The following AKAP11 variants were observed in gnomAD, a reference collection of about 807,000 sequenced individuals.
AKAP11 encodes A-kinase anchoring protein 11.
AKAP11 carries 36 observed loss-of-function variants against 146.1 expected under a neutral mutation model. That is an observed-to-expected ratio of 0.25 (90% CI 0.19 to 0.33). The LOEUF is 0.33. AKAP11 is among the 10% of genes least tolerant of loss of function. AKAP11 has a pLI of 1.00. For missense variants in AKAP11, 2,201 were observed against 2,197.0 expected, an observed-to-expected ratio of 1.00 and a Z score of -0.04; for synonymous variants, 780 against 786.5, an observed-to-expected ratio of 0.99 and a Z score of 0.14.
At chr13:42,294,748 A>C (rs570971612) in intron 4 of AKAP11, among the ~76,000 whole-genome samples, 2 of 152,328 alleles carry the variant, frequency 1.3e-5, no homozygotes, top group African/African-American at 4.8e-5. Flanking sequence ...AGTAGAACAA[A>C]GAAAATGACT....
rs182605371 is a variant in AKAP11 at position 42,310,303 on chromosome 13, C to T, written c.5273+1694C>T. Among the ~76,000 whole-genome samples the T allele has an allele frequency of 1.2e-4, 18 of 152,244 alleles. No individual in the cohort carries two copies. In the East Asian group the frequency reaches 3.5e-3, roughly 29 times the overall value. On this transcript the variant is annotated intron_variant, in intron 9 of 12. Transcript: ENST00000025301. Reference sequence around the variant, plus strand: ...GTTCTGGCACAGAGAAAAAGCGGGGCTCATCCAGGATTGGTGGTGTGCTCG... The same window carrying T: ...GTTCTGGCACAGAGAAAAAGCGGGGTTCATCCAGGATTGGTGGTGTGCTCG...
chr13:42,280,024 T>A (rs140205102), intron 1 of AKAP11, among the ~76,000 whole-genome samples: 24 of 152,330 alleles, frequency 1.6e-4, no homozygotes, highest in African/African-American at 5.8e-4. Flanking sequence ...TGGTGGAATA[T>A]ATTATGGTTT....
At chr13:42,295,541 G>A (rs77974091) in intron 4 of AKAP11, among the ~76,000 whole-genome samples, 154 bp from the exon 5 acceptor site, 104 of 150,548 alleles carry the variant, frequency 6.9e-4, no homozygotes, top group African/African-American at 2.5e-3. Flanking sequence ...CCAATCTTTG[G>A]TGAAAAATAT....
Position 42,311,679 on chromosome 13 carries a change from A to AT in AKAP11, c.5274-1361dup, listed in dbSNP as rs547860561. 1.4e-4 allele frequency among the ~76,000 whole-genome samples: 21 copies of AT among 152,076 alleles called. No homozygotes were observed. The East Asian group carries it at 3.9e-3, about 28-fold the overall frequency. ...TGTGTGATGGGTAGAAAAATTTTAT[A>AT]TTTTTTTGTTATAATCATTCTATTA... is the stretch of plus-strand genomic sequence containing the variant. On this transcript the variant is annotated intron_variant, in intron 9 of 12. Transcript: ENST00000025301.
At position 42,300,250 on chromosome 13, in the gene AKAP11, T is replaced by C. The variant is rs778438754; in HGVS notation, c.1504T>C (p.Ser502Pro). ...AKSISCEVLG[S>P]VLRTHHTNTL... ...AAGCATTTCATGTGAAGTACTAGGC[T>C]CAGTTCTTCGTACCCACCATACTAA... Residue 502 changes from serine to proline, a missense_variant, in exon 8 of 13, where the codon TCA (serine) becomes CCA (proline). Ser to Pro is a moderately conservative substitution (Grantham distance 74). Around this residue, in one of 3 missense-constraint regions of AKAP11, gnomAD observed 1,867 missense variants for 1,833.5 expected, o/e 1.02. Coordinates refer to ENST00000025301, the MANE Select transcript of AKAP11 (RefSeq NM_016248.4). 1.2e-6 allele frequency: 2 copies of C among 1,613,928 alleles called. No individual in the cohort carries two copies. Among genetic ancestry groups the C allele is most frequent in the South Asian group, 1.1e-5 (1 of 91,070 alleles).
At chr13:42,308,901 A>AT (rs1960416430) in intron 9 of AKAP11, among the ~76,000 whole-genome samples, 2 of 128,864 alleles carry the variant, frequency 1.6e-5, no homozygotes, top group African/African-American at 5.5e-5. Flanking sequence ...TCTGAGGAAA[A>AT]ATTTTTTTTT....
Position 42,274,331 on chromosome 13 carries a change from TG to T in AKAP11, c.-100+2105del, listed in dbSNP as rs370568170. ...ATGCTTTATCAGTTTAAAAACAGCC[TG>T]GAAAGATCCAAGTGTCTCGATTCTC... On this transcript the variant is annotated intron_variant, in intron 1 of 12. Coordinates refer to ENST00000025301, the MANE Select transcript of AKAP11 (RefSeq NM_016248.4). Among the ~76,000 whole-genome samples, 1,370 of 152,226 alleles carry T rather than the reference TG, an allele frequency of 9.0e-3. 10 individuals carry two copies. Among genetic ancestry groups the T allele is most frequent in the South Asian group, 0.034 (165 of 4,814 alleles).
Position 42,299,838 on chromosome 13 carries a change from A to G in AKAP11, c.1092A>G (p.Glu364=), listed in dbSNP as rs369025284. ...TTGATAGTTTTGATCAGTTTGATGA[A>G]CTAGAACAAACTTTAGAGACTTGCC... ...EFFDSFDQFD[E]LEQTLETCLF... The change falls in exon 8 of 13, where the codon GAA becomes GAG. Residue 364 remains glutamate (E), a synonymous_variant. Transcript: ENST00000025301. 3.1e-6 allele frequency: 5 copies of G among 1,613,700 alleles called. No homozygotes were observed. The highest frequency in any genetic ancestry group is 3.4e-6 in the Non-Finnish European group (4 of 1,179,890).
intron 3 of AKAP11, among the ~76,000 whole-genome samples, chr13:42,289,113 A>G (rs1488667244): frequency 6.6e-6 from 1 of 152,032 alleles, no homozygotes; most frequent in East Asian, 1.9e-4. Context: ...TCCCCCAACA[A>G]CCATTGAGCT....
At chr13:42,297,885 C>T (rs1431803846) in intron 6 of AKAP11, among the ~76,000 whole-genome samples, 2 of 35,668 alleles carry the variant, frequency 5.6e-5, no homozygotes, top group Non-Finnish European at 1.4e-4. Flanking sequence ...GTTCTTTATT[C>T]GTATTTGCTT....
In AKAP11 at chr13:42,323,249, A is replaced by G. The variant is rs1018368253; in HGVS notation, c.*4021A>G. The G allele has an allele frequency of 6.6e-6, 1 of 152,614 alleles. No individual in the cohort carries two copies. Among genetic ancestry groups the G allele is most frequent in the Non-Finnish European group, 1.5e-5 (1 of 68,022 alleles). 9.5% of individuals were successfully genotyped at this position (152,614 alleles called of 1,614,324 possible). A position where few individuals can be genotyped will look rare whatever the true frequency, so the allele number is the denominator to read the frequency against. ...TCTCCCAGCTAAGAGTTCTTCAATA[A>G]ATTTAAGAAATACCTGGTCTTGGTT... On this transcript the variant is annotated 3_prime_UTR_variant, in exon 13 of 13. Transcript: ENST00000025301.
At chr13:42,272,693 AC>A (rs935798509) in intron 1 of AKAP11, among the ~76,000 whole-genome samples, 1 of 151,946 alleles carries the variant, frequency 6.6e-6, no homozygotes, top group Non-Finnish European at 1.5e-5. Flanking sequence ...TCACTGTCAG[AC>A]CCCCGGAGCC....
At chr13:42,282,010 C>A (rs1346148983) in intron 1 of AKAP11, among the ~76,000 whole-genome samples, 2 of 150,282 alleles carry the variant, frequency 1.3e-5, no homozygotes. Flanking sequence ...ACTCTGTGGC[C>A]CAGGTTGGAG....
chr13:42,271,488 G>C (rs1357294782), upstream of AKAP11, among the ~76,000 whole-genome samples: 1 of 152,220 alleles, frequency 6.6e-6, no homozygotes, highest in Non-Finnish European at 1.5e-5. Flanking sequence ...AGAAGGGGCG[G>C]AGCCATCAGA....
chr13:42,308,610 G>A lies in AKAP11; in HGVS notation c.5273+1G>A. The A allele has an allele frequency of 6.2e-7, 1 of 1,610,688 alleles. No individual in the cohort carries two copies. The highest frequency in any genetic ancestry group is 8.5e-7 in the Non-Finnish European group (1 of 1,177,984). ...GCAGTTTTCATCATCTAAGTGAAAG[G>A]TAACTACACTTTTGCATATAATTGT... On this transcript the variant is annotated splice_donor_variant, in intron 9 of 12. Transcript: ENST00000025301. LOFTEE classifies it high-confidence loss of function.
At position 42,302,065 on chromosome 13, in the gene AKAP11, G is replaced by A; in HGVS notation, c.3319G>A (p.Val1107Ile). Residue 1107 changes from valine to isoleucine, a missense_variant, in exon 8 of 13, where the codon GTA (valine) becomes ATA (isoleucine). Val to Ile is a conservative substitution (Grantham distance 29, BLOSUM62 3). This residue lies in a region of AKAP11 where 1,867 missense variants were observed against 1,833.5 expected (regional missense o/e 1.02). Coordinates refer to ENST00000025301, the MANE Select transcript of AKAP11 (RefSeq NM_016248.4). ...TGATACTCCTCCATCAACTCCTCTA[G>A]TACCATCCCGGGCTAGTTCTGAATG... Reference protein sequence around the residue: ...IPDTPPSTPLVPSRASSEWDI... With the variant: ...IPDTPPSTPLIPSRASSEWDI... 1 of 1,614,102 alleles carries A rather than the reference G, an allele frequency of 6.2e-7. No individual in the cohort carries two copies. Among genetic ancestry groups the A allele is most frequent in the Non-Finnish European group, 8.5e-7 (1 of 1,180,004 alleles).
intron 7 of AKAP11, among the ~76,000 whole-genome samples, chr13:42,299,033 T>C (rs1227128710): frequency 3.3e-5 from 5 of 152,152 alleles, no homozygotes; most frequent in African/African-American, 1.2e-4. Flanking sequence ...GTTCACGCAC[T>C]GGTTACATCA....
chr13:42,287,262 ACTTATC>A (rs1193574824), intron 3 of AKAP11, among the ~76,000 whole-genome samples: 1 of 151,948 alleles, frequency 6.6e-6, no homozygotes, highest in Non-Finnish European at 1.5e-5. Context: ...TAGAAAGTAA[ACTTATC>A]CTTAAACAGT....
rs145714928 is a variant in AKAP11, at chr13:42,278,163, C to T, written c.-100+5935C>T. Reference sequence around the variant, plus strand: ...ATGCTGAGATTGAGAAACTCTGTAGCGGTAAGAACATATATATTGTGAATG... The same window carrying T: ...ATGCTGAGATTGAGAAACTCTGTAGTGGTAAGAACATATATATTGTGAATG... On this transcript the variant is annotated intron_variant, in intron 1 of 12. Coordinates refer to ENST00000025301, the MANE Select transcript of AKAP11 (RefSeq NM_016248.4). 4.6e-5 allele frequency among the ~76,000 whole-genome samples: 7 copies of T among 151,750 alleles called. No homozygotes were observed. In the South Asian group the frequency reaches 1.5e-3, roughly 32 times the overall value.
Sources: gnomAD v4.1 joint callset for allele counts (sites outside exome capture counted in the v4.1 genomes callset) on GRCh38, gnomAD v4.1.1 for gene constraint, gnomAD v4.1.1 regional missense constraint, MANE v1.5 for transcripts, NCBI Gene and HGNC (gene_info 2026-07-23, HGNC 2026-07-21) for gene names.